Variants in ZNF362 observed in about 807,000 individuals in gnomAD.
The protein encoded by ZNF362 is rotund homolog.
Under a neutral mutation model 42.9 loss-of-function variants are expected in ZNF362, and 11 were observed. The observed-to-expected ratio is 0.26, with a 90% CI of 0.16 to 0.42. ZNF362 has a LOEUF of 0.42. Ranked by LOEUF, ZNF362 falls within the 20% of genes least tolerant of loss-of-function variation. The pLI is 1.00. For missense variants in ZNF362, 362 were observed against 576.2 expected (o/e 0.63, Z 3.81); for synonymous variants, 255 against 257.3 (o/e 0.99, Z 0.09).
chr1:33,214,071 A>G, the ZNF362 span, among the ~76,000 whole-genome samples: 1 of 152,164 alleles, frequency 6.6e-6, no homozygotes, highest in Non-Finnish European at 1.5e-5. Context: ...AAAAATGTGA[A>G]ATAAGAAAAA....
chr1:33,222,914 C>T, the ZNF362 span, among the ~76,000 whole-genome samples: 1 of 152,070 alleles, frequency 6.6e-6, no homozygotes, highest in South Asian at 2.1e-4. Context: ...CTGTGCTGTT[C>T]TCTTGAGAGT....
chr1:33,185,131 T>C, the ZNF362 span, among the ~76,000 whole-genome samples: 1 of 152,210 alleles, frequency 6.6e-6, no homozygotes, highest in Non-Finnish European at 1.5e-5. Flanking sequence ...TACTCTATTG[T>C]CTAAATCCTT....
chr1:33,298,886 C>T (rs745471587), intron 8 of ZNF362, 44 bp from the exon 9 acceptor site: 1 of 1,551,654 alleles, frequency 6.4e-7, no homozygotes, highest in Admixed American at 1.7e-5. Context: ...CTTCTCCCTC[C>T]CTTGCTGGTG....
the ZNF362 span, among the ~76,000 whole-genome samples, chr1:33,236,550 A>AAAAAAAAAATATATATATAT: frequency 1.5e-3 from 9 of 5,972 alleles, no homozygotes; most frequent in African/African-American, 2.7e-3. Flanking sequence ...AAAAAAAAAA[A>AAAAAAAAAATATATATATAT]ATATATATAT....
the ZNF362 span, among the ~76,000 whole-genome samples, chr1:33,173,692 T>TC: frequency 9.7e-4 from 127 of 131,240 alleles, no homozygotes; most frequent in African/African-American, 3.4e-3. Context: ...TTTTTTTTTT[T>TC]CCCTAATTAA....
chr1:33,201,300 A>T, the ZNF362 span, among the ~76,000 whole-genome samples: 1 of 152,238 alleles, frequency 6.6e-6, no homozygotes, highest in South Asian at 2.1e-4. Flanking sequence ...GATCTAATAG[A>T]CATTTATAGA....
At chr1:33,208,396 C>T in the ZNF362 span, among the ~76,000 whole-genome samples, 3 of 151,960 alleles carry the variant, frequency 2.0e-5, no homozygotes, top group Non-Finnish European at 4.4e-5. Flanking sequence ...TGCTTAGAAT[C>T]GTCTTGGCTC....
chr1:33,277,785 T>G (rs146491865), intron 4 of ZNF362, among the ~76,000 whole-genome samples: 84 of 152,302 alleles, frequency 5.5e-4, no homozygotes, highest in African/African-American at 1.9e-3. Context: ...GGGAAAGATG[T>G]GAGCTCAGTC....
the ZNF362 span, among the ~76,000 whole-genome samples, chr1:33,247,694 C>G: frequency 2.0e-5 from 3 of 152,214 alleles, no homozygotes; most frequent in African/African-American, 7.2e-5. Context: ...TGGCAGTCCC[C>G]GGGCCAGTCT....
the ZNF362 span, among the ~76,000 whole-genome samples, chr1:33,153,190 C>A: frequency 6.6e-6 from 1 of 152,126 alleles, no homozygotes. Context: ...CCTGGGGGCA[C>A]CCCTCCCATC....
chr1:33,204,991 C>T, the ZNF362 span, among the ~76,000 whole-genome samples: 1 of 152,114 alleles, frequency 6.6e-6, no homozygotes, highest in Non-Finnish European at 1.5e-5. Context: ...CACTACAAAA[C>T]ATTGCTGAGA....
chr1:33,293,688 T>C (rs1329931694), intron 6 of ZNF362, among the ~76,000 whole-genome samples: 1 of 152,206 alleles, frequency 6.6e-6, no homozygotes, highest in Non-Finnish European at 1.5e-5. Context: ...GCTCACCTGC[T>C]TGGTACAGCA....
chr1:33,133,656 G>A, the ZNF362 span, among the ~76,000 whole-genome samples: 9 of 152,340 alleles, frequency 5.9e-5, no homozygotes, highest in Non-Finnish European at 8.8e-5. Flanking sequence ...AGCCACCCAC[G>A]TCTGGCCAAA....
chr1:33,218,945 ACACACAC>A, the ZNF362 span, among the ~76,000 whole-genome samples: 4 of 140,024 alleles, frequency 2.9e-5, no homozygotes, highest in African/African-American at 1.0e-4. Flanking sequence ...ACACACACAC[ACACACAC>A]ACACACACAC....
chr1:33,213,843 CA>C, the ZNF362 span, among the ~76,000 whole-genome samples: 1 of 151,440 alleles, frequency 6.6e-6, no homozygotes, highest in Admixed American at 6.6e-5. Context: ...AACTCTGTCT[CA>C]AAAAAACCAA....
chr1:33,145,013 A>AT, the ZNF362 span, among the ~76,000 whole-genome samples: 1 of 152,178 alleles, frequency 6.6e-6, no homozygotes, highest in Non-Finnish European at 1.5e-5. Context: ...GAGGGTGGTC[A>AT]TTTTTCTAAA....
chr1:33,279,669 G>T, intron 4 of ZNF362, among the ~76,000 whole-genome samples: 2 of 143,920 alleles, frequency 1.4e-5, no homozygotes, highest in Non-Finnish European at 3.0e-5. Flanking sequence ...TATTACTCCT[G>T]ATCTACTATC....
At chr1:33,180,796 C>A in the ZNF362 span, among the ~76,000 whole-genome samples, 1 of 152,208 alleles carries the variant, frequency 6.6e-6, no homozygotes, top group African/African-American at 2.4e-5. Flanking sequence ...TGTCTCAGAT[C>A]CCTCAGGGTC....
the ZNF362 span, among the ~76,000 whole-genome samples, chr1:33,219,464 C>T: frequency 1.3e-5 from 2 of 152,186 alleles, no homozygotes; most frequent in Non-Finnish European, 2.9e-5. Context: ...GATTGCAGGG[C>T]AGGAGCCCAG....
Sources: gnomAD v4.1 joint callset for allele counts (sites outside exome capture counted in the v4.1 genomes callset) on GRCh38, gnomAD v4.1.1 for gene constraint, MANE v1.5 for transcripts, NCBI Gene and HGNC (gene_info 2026-07-23, HGNC 2026-07-21) for gene names.